CHIC2: variants seen among roughly 807,000 people sequenced by gnomAD.
CHIC2 encodes cysteine-rich hydrophobic domain-containing protein 2.
Under a neutral mutation model 25.9 loss-of-function variants are expected in CHIC2, and 14 were observed. That is an observed-to-expected ratio of 0.54 (90% confidence interval 0.36 to 0.85). The LOEUF (loss-of-function observed/expected upper bound fraction) is 0.85. Ranked by LOEUF, CHIC2 falls within the 40% of genes least tolerant of loss-of-function variation. The pLI is 0.01. For missense variants in CHIC2, 146 were observed against 202.0 expected, an observed-to-expected ratio of 0.72 and a Z score of 1.68; for synonymous variants, 70 against 72.0, an observed-to-expected ratio of 0.97 and a Z score of 0.14.
chr4:54,042,405 C>A (rs978377652), intron 3 of CHIC2, among the ~76,000 whole-genome samples: 2 of 152,150 alleles, frequency 1.3e-5, no homozygotes, highest in Non-Finnish European at 2.9e-5. Context: ...AAAAGGATCT[C>A]AAGTTGATAT....
At chr4:54,019,332 G>C (rs1056851627) in intron 3 of CHIC2, among the ~76,000 whole-genome samples, 1 of 151,844 alleles carries the variant, frequency 6.6e-6, no homozygotes, top group Non-Finnish European at 1.5e-5. Flanking sequence ...ATTTTAATAT[G>C]AACATTAACT....
intron 1 of CHIC2, among the ~76,000 whole-genome samples, chr4:54,058,697 C>A (rs546302107): frequency 6.6e-6 from 1 of 151,956 alleles, no homozygotes; most frequent in South Asian, 2.1e-4. Context: ...AGCTTTATAG[C>A]AGATTAGAAA....
chr4:54,009,977 C>CAAAAAAAAAA lies in CHIC2; in HGVS notation c.*117_*118insTTTTTTTTTT. On this transcript the variant is annotated 3_prime_UTR_variant, in exon 6 of 6. Transcript: ENST00000263921. ...TTTAAAAAAAAAACAAAAACAAAAA[C>CAAAAAAAAAA]AAAAAAAACACCACACGATTCTGTA... 2.2e-6 allele frequency: 1 copy of CAAAAAAAAAA among 464,578 alleles called. No homozygotes were observed. The allele number at this position is 464,578 out of a possible 1,614,324, so 28.8% of individuals were successfully genotyped here.
upstream of CHIC2, among the ~76,000 whole-genome samples, chr4:54,067,164 G>A (rs1717534715): frequency 6.6e-6 from 1 of 152,198 alleles, no homozygotes; most frequent in Admixed American, 6.5e-5. Context: ...CACACTGGCT[G>A]GATGTGGGAG....
intron 3 of CHIC2, among the ~76,000 whole-genome samples, chr4:54,046,715 T>A (rs1487614021): frequency 1.3e-5 from 2 of 152,158 alleles, no homozygotes; most frequent in African/African-American, 2.4e-5. Context: ...AACCTAGGCA[T>A]TACCATTCAG....
At chr4:54,075,753 C>T in the CHIC2 span, among the ~76,000 whole-genome samples, 1 of 152,082 alleles carries the variant, frequency 6.6e-6, no homozygotes, top group South Asian at 2.1e-4. Flanking sequence ...GAGGTTTCAC[C>T]ATTTTGGCCA....
chr4:54,028,209 C>A (rs1577968793), intron 3 of CHIC2, among the ~76,000 whole-genome samples: 1 of 152,120 alleles, frequency 6.6e-6, no homozygotes, highest in South Asian at 2.1e-4. Flanking sequence ...TAAATTATAA[C>A]CCATAGGCCT....
chr4:54,087,675 G>T, the CHIC2 span: 5 of 546,842 alleles, frequency 9.1e-6, no homozygotes, highest in East Asian at 9.3e-5. Context: ...TTGCGTTATT[G>T]TTGGGCCATT....
intron 3 of CHIC2, among the ~76,000 whole-genome samples, chr4:54,027,795 G>A (rs1343128561): frequency 6.6e-6 from 1 of 152,080 alleles, no homozygotes; most frequent in African/African-American, 2.4e-5. Flanking sequence ...CAAGTTTCAA[G>A]AAAGGATCTA....
Position 54,064,232 on chromosome 4 carries a change from G to C in CHIC2, c.69C>G (p.Leu23=), listed in dbSNP as rs1265714083. 1 of 1,609,176 alleles carries C rather than the reference G, an allele frequency of 6.2e-7. No individual in the cohort carries two copies. Among genetic ancestry groups the C allele is most frequent in the African/African-American group, 1.3e-5 (1 of 74,802 alleles). The change falls in exon 1 of 6, where the codon CTC becomes CTG. Residue 23 remains leucine (L), a synonymous_variant. Coordinates refer to ENST00000263921, the MANE Select transcript of CHIC2 (RefSeq NM_012110.4). This position sits in a 1 kb window ranked among gnomAD's most constrained non-coding sequence, Gnocchi z 4.2. Reference sequence around the variant, plus strand: ...CGACCACCGGGTCCGGCGAGTACTTGAGCAGCTGCTCCTCCAGGGCCCGCT... The same window carrying C: ...CGACCACCGGGTCCGGCGAGTACTTCAGCAGCTGCTCCTCCAGGGCCCGCT... ...DEERALEEQL[L]KYSPDPVVVR... is the part of the protein sequence containing the mutation.
chr4:54,050,202 C>T (rs1716961046), intron 1 of CHIC2, among the ~76,000 whole-genome samples: 1 of 151,952 alleles, frequency 6.6e-6, no homozygotes, highest in African/African-American at 2.4e-5. Flanking sequence ...ACACACGAGA[C>T]CAATTTTACT....
chr4:54,066,421 C>A (rs1213143893), upstream of CHIC2, among the ~76,000 whole-genome samples: 1 of 152,082 alleles, frequency 6.6e-6, no homozygotes, highest in African/African-American at 2.4e-5. Flanking sequence ...TTATAAAGCA[C>A]GTACATAATA....
At chr4:54,017,345 ACAC>A (rs1294033111) in intron 3 of CHIC2, among the ~76,000 whole-genome samples, 1 of 152,186 alleles carries the variant, frequency 6.6e-6, no homozygotes, top group East Asian at 1.9e-4. Flanking sequence ...GTACCAAAAA[ACAC>A]CATCTTTCAG....
upstream of CHIC2, among the ~76,000 whole-genome samples, chr4:54,065,992 G>C (rs368069570): frequency 9.2e-5 from 14 of 152,306 alleles, no homozygotes; most frequent in East Asian, 1.5e-3. Flanking sequence ...TAGCTATGTG[G>C]CAGGCACTGT....
intron 3 of CHIC2, among the ~76,000 whole-genome samples, chr4:54,025,074 A>G (rs959878941): frequency 8.1e-5 from 12 of 147,774 alleles, no homozygotes; most frequent in Admixed American, 7.5e-4. Flanking sequence ...ACACTTCAAC[A>G]CTATTTTATG....
the CHIC2 span, among the ~76,000 whole-genome samples, chr4:54,090,199 A>ATT: frequency 4.0e-5 from 6 of 151,826 alleles, no homozygotes; most frequent in African/African-American, 1.5e-4. Context: ...ATATATATAT[A>ATT]TTTTTTAGAT....
At chr4:54,022,891 C>T (rs1184957818) in intron 3 of CHIC2, among the ~76,000 whole-genome samples, 2 of 152,182 alleles carry the variant, frequency 1.3e-5, no homozygotes, top group Non-Finnish European at 2.9e-5. Context: ...TTACAATTCC[C>T]CCATTTTACC....
chr4:54,012,039 A>G (rs1412730396), intron 5 of CHIC2, among the ~76,000 whole-genome samples: 1 of 151,916 alleles, frequency 6.6e-6, no homozygotes, highest in Non-Finnish European at 1.5e-5. Flanking sequence ...AAGCTACATT[A>G]TTCTCACTTT....
the CHIC2 span, among the ~76,000 whole-genome samples, chr4:54,083,042 T>TTTTTTTTTTTTTTTTTTTC: frequency 6.9e-6 from 1 of 145,744 alleles, no homozygotes; most frequent in Non-Finnish European, 1.5e-5. Context: ...TTTTTTTTTT[T>TTTTTTTTTTTTTTTTTTTC]TGAGACTGAG....
Sources: gnomAD v4.1 joint callset for allele counts (sites outside exome capture counted in the v4.1 genomes callset) on GRCh38, gnomAD v4.1.1 for gene constraint, Gnocchi (gnomAD v3.1) non-coding constraint, MANE v1.5 for transcripts, NCBI Gene and HGNC (gene_info 2026-07-23, HGNC 2026-07-21) for gene names.